Variants in GRID2 observed in about 807,000 individuals in gnomAD.
The protein encoded by GRID2 is glutamate ionotropic receptor delta type subunit 2.
In GRID2, 33 loss-of-function variants were observed where a neutral mutation model predicts 114.8. The observed-to-expected ratio is 0.29, with a 90% CI of 0.22 to 0.38. The LOEUF (loss-of-function observed/expected upper bound fraction) is 0.38. GRID2 is among the 10% of genes least tolerant of loss of function. GRID2 has a pLI of 1.00. For missense variants in GRID2, 1,184 were observed against 1,257.7 expected, an observed-to-expected ratio of 0.94 and a Z score of 0.89; for synonymous variants, 505 against 449.9, an observed-to-expected ratio of 1.12 and a Z score of -1.55.
chr4:93,749,641 A>G (rs1428171682), intron 14 of GRID2, among the ~76,000 whole-genome samples: 2 of 152,142 alleles, frequency 1.3e-5, no homozygotes, highest in Non-Finnish European at 2.9e-5. Flanking sequence ...CACTCTCTAC[A>G]TGTTATAAAC....
At chr4:92,399,761 G>A (rs146403389) in intron 1 of GRID2, among the ~76,000 whole-genome samples, 1 of 150,774 alleles carries the variant, frequency 6.6e-6, no homozygotes, top group African/African-American at 2.4e-5. Context: ...TTATTTTATT[G>A]TAATTAGAAT....
intron 11 of GRID2, among the ~76,000 whole-genome samples, chr4:93,473,894 C>T (rs1725071567): frequency 6.6e-6 from 1 of 151,974 alleles, no homozygotes; most frequent in African/African-American, 2.4e-5. Flanking sequence ...GCAGCAAATA[C>T]ATATTTTTTT....
At chr4:93,030,226 T>C (rs1286313264) in intron 2 of GRID2, among the ~76,000 whole-genome samples, 1 of 152,170 alleles carries the variant, frequency 6.6e-6, no homozygotes, top group Non-Finnish European at 1.5e-5. Context: ...TACAGAAAAC[T>C]GTATTTTTTC....
At chr4:92,322,535 A>G (rs150276685) in intron 1 of GRID2, among the ~76,000 whole-genome samples, 1 of 152,228 alleles carries the variant, frequency 6.6e-6, no homozygotes, top group African/African-American at 2.4e-5. Flanking sequence ...TGTAACCTAT[A>G]CATATGTATA....
At chr4:92,403,099 C>G (rs1289442913) in intron 1 of GRID2, among the ~76,000 whole-genome samples, 1 of 152,158 alleles carries the variant, frequency 6.6e-6, no homozygotes, top group Non-Finnish European at 1.5e-5. Context: ...TCTGCAGTTT[C>G]TTCACTTCTC....
At chr4:92,540,270 G>A (rs1263364418) in intron 1 of GRID2, among the ~76,000 whole-genome samples, 1 of 152,026 alleles carries the variant, frequency 6.6e-6, no homozygotes, top group Non-Finnish European at 1.5e-5. Context: ...CAAAAGCAAC[G>A]GCAACAAAAG....
intron 14 of GRID2, among the ~76,000 whole-genome samples, chr4:93,694,266 T>G (rs1726818616): frequency 6.6e-6 from 1 of 152,164 alleles, no homozygotes; most frequent in African/African-American, 2.4e-5. Context: ...TCTGCCCTAT[T>G]GCCTGGCCAT....
intron 1 of GRID2, among the ~76,000 whole-genome samples, chr4:92,376,849 G>T (rs1729378862): frequency 6.6e-6 from 1 of 152,116 alleles, no homozygotes; most frequent in South Asian, 2.1e-4. Context: ...TTTCAGCCAA[G>T]GATGGAGTAG....
chr4:93,181,696 C>T (rs971915795), intron 4 of GRID2, among the ~76,000 whole-genome samples: 6 of 152,134 alleles, frequency 3.9e-5, no homozygotes, highest in Admixed American at 2.0e-4. Context: ...CTATTATGCA[C>T]CCTCATGAAC....
At chr4:92,369,352 G>T (rs1729014267) in intron 1 of GRID2, among the ~76,000 whole-genome samples, 1 of 151,980 alleles carries the variant, frequency 6.6e-6, no homozygotes, top group Non-Finnish European at 1.5e-5. Flanking sequence ...GACATAGAAA[G>T]GTGACTTATC....
At chr4:93,197,909 T>A (rs919596964) in intron 4 of GRID2, among the ~76,000 whole-genome samples, 14 of 152,352 alleles carry the variant, frequency 9.2e-5, no homozygotes, top group African/African-American at 3.1e-4. Context: ...ACTATATAAA[T>A]AGTTAAGATC....
Position 92,380,055 on chromosome 4 carries a change from C to T in GRID2, c.88+75311C>T, listed in dbSNP as rs191856336. ...AAAAACTATTTTAGTTTAAAGTATA[C>T]ATTCGAAAGTGCTGATCTTTAATGT... On this transcript the variant is annotated intron_variant, in intron 1 of 15. Transcript: ENST00000282020. 2.0e-5 allele frequency among the ~76,000 whole-genome samples: 3 copies of T among 151,944 alleles called. No homozygotes were observed. The East Asian group carries it at 5.8e-4, about 29-fold the overall frequency.
chr4:93,805,732 T>C (rs1735016105), intron 1 of GRID2, among the ~76,000 whole-genome samples: 1 of 152,206 alleles, frequency 6.6e-6, no homozygotes, highest in Non-Finnish European at 1.5e-5. Context: ...AGTTTTTGAT[T>C]CTGTTATTTA....
At chr4:93,256,426 TG>T (rs11365611) in intron 8 of GRID2, among the ~76,000 whole-genome samples, 102,599 of 150,642 alleles carry the variant, frequency 0.68, 35,310 homozygotes, top group Middle Eastern at 0.85. Context: ...TTTTAATTTT[TG>T]GTTTTTTTTT....
intron 2 of GRID2, among the ~76,000 whole-genome samples, chr4:92,733,944 C>G (rs1474103074): frequency 6.6e-6 from 1 of 152,054 alleles, no homozygotes; most frequent in East Asian, 1.9e-4. Flanking sequence ...ATCAAAATTT[C>G]TCCAACTCTT....
At chr4:92,358,520 A>C (rs1026479695) in intron 1 of GRID2, among the ~76,000 whole-genome samples, 8 of 151,954 alleles carry the variant, frequency 5.3e-5, no homozygotes, top group African/African-American at 1.9e-4. Flanking sequence ...AGGGAAGTAG[A>C]AATGGGAAGA....
At chr4:92,646,915 T>C (rs1731667808) in intron 2 of GRID2, among the ~76,000 whole-genome samples, 1 of 152,184 alleles carries the variant, frequency 6.6e-6, no homozygotes, top group Non-Finnish European at 1.5e-5. Flanking sequence ...TTTTTACTTT[T>C]TCCTCAAGCC....
chr4:92,668,460 T>C (rs1732891953), intron 2 of GRID2, among the ~76,000 whole-genome samples: 1 of 151,744 alleles, frequency 6.6e-6, no homozygotes. Context: ...TAATATAGAC[T>C]CTAAGCTGAG....
intron 2 of GRID2, among the ~76,000 whole-genome samples, chr4:92,853,400 GT>G (rs1743964025): frequency 1.3e-5 from 2 of 151,842 alleles, no homozygotes; most frequent in Non-Finnish European, 2.9e-5. Flanking sequence ...AAGATTTTTT[GT>G]TTTATCTTTT....
Sources: gnomAD v4.1 joint callset for allele counts (sites outside exome capture counted in the v4.1 genomes callset) on GRCh38, gnomAD v4.1.1 for gene constraint, MANE v1.5 for transcripts, NCBI Gene and HGNC (gene_info 2026-07-23, HGNC 2026-07-21) for gene names.